Variants in SRP9 observed in about 807,000 individuals in gnomAD.
SRP9 encodes the protein signal recognition particle 9 kDa protein.
Under a neutral mutation model 11.7 loss-of-function variants are expected in SRP9, and 2 were observed. The ratio of observed to expected loss-of-function variants is 0.17; its 90% CI spans 0.07 to 0.54. The LOEUF (loss-of-function observed/expected upper bound fraction) is 0.54. SRP9 is among the 20% of genes least tolerant of loss of function. SRP9 has a pLI of 0.94. For missense variants in SRP9, 54 were observed against 108.1 expected (o/e 0.50, Z 2.22); for synonymous variants, 27 against 35.6 (o/e 0.76, Z 0.86).
At position 225,789,595 on chromosome 1, in the gene SRP9, CTG is replaced by C. The variant is rs1024711799; in HGVS notation, c.*237_*238del. The C allele has an allele frequency of 3.2e-6, 1 of 315,764 alleles. No homozygotes were observed. Among genetic ancestry groups the C allele is most frequent in the African/African-American group, 2.2e-5 (1 of 46,446 alleles). The allele number at this position is 315,764 out of a possible 1,614,324, so 19.6% of individuals were successfully genotyped here. A position where few individuals can be genotyped will look rare whatever the true frequency, so the allele number is the denominator to read the frequency against. Reference sequence around the variant, plus strand: ...ACAAGAAATGCATCTGTCTTAGAAACTGGAGATTATTTGATGTTAGGTAAAAC... The same window carrying C: ...ACAAGAAATGCATCTGTCTTAGAAACGAGATTATTTGATGTTAGGTAAAAC... On this transcript the variant is annotated 3_prime_UTR_variant, in exon 3 of 3. Transcript: ENST00000304786.
At chr1:225,786,933 C>G in intron 2 of SRP9, 1 of 748,006 alleles carries the variant, frequency 1.3e-6, no homozygotes, top group Non-Finnish European at 2.0e-6. Flanking sequence ...TCCTCGACCT[C>G]CTGGGCTCAA....
At chr1:225,778,101 C>A (rs3738037) in intron 1 of SRP9, 89 bp downstream of exon 1, 181,655 of 1,435,386 alleles carry the variant, frequency 0.13, 17,988 homozygotes, top group African/African-American at 0.52. Context: ...CCCAGCGCTC[C>A]CAGGAGGTGC....
At chr1:225,789,151 ACT>A (rs775337368) in intron 2 of SRP9, 87 bp from the exon 3 acceptor site, 48 of 1,552,346 alleles carry the variant, frequency 3.1e-5, no homozygotes, top group East Asian at 2.0e-4. Flanking sequence ...GGTAGGAAAA[ACT>A]CTCAAAATTT....
At chr1:225,784,975 T>C (rs909719642) in intron 2 of SRP9, among the ~76,000 whole-genome samples, 5 of 152,160 alleles carry the variant, frequency 3.3e-5, no homozygotes, top group African/African-American at 1.2e-4. Context: ...AGGATATCGC[T>C]ATGTTGCCCA....
intron 1 of SRP9, among the ~76,000 whole-genome samples, chr1:225,782,346 A>G (rs1463086863): frequency 6.6e-6 from 1 of 151,882 alleles, no homozygotes; most frequent in Non-Finnish European, 1.5e-5. Flanking sequence ...TGTATTTTTT[A>G]GTAGAGACGG....
intron 2 of SRP9, among the ~76,000 whole-genome samples, chr1:225,786,142 TTC>T (rs538734271): frequency 1.1e-3 from 166 of 152,260 alleles, no homozygotes; most frequent in Non-Finnish European, 1.9e-3. Context: ...CTTTCAAACA[TTC>T]TGTTTCCTCC....
In SRP9 at chr1:225,777,874, A is replaced by G; in HGVS notation, c.-67A>G. On this transcript the variant is annotated 5_prime_UTR_variant, in exon 1 of 3. Transcript: ENST00000304786. ...ACTCGCGTCGGTTGGCGACTCCCGG[A>G]CGTAGGTAGTTTGTTGGGCCGGGTT... 2 of 1,478,824 alleles carry G rather than the reference A, an allele frequency of 1.4e-6. No homozygotes were observed. Among genetic ancestry groups the G allele is most frequent in the Non-Finnish European group, 1.9e-6 (2 of 1,069,204 alleles). The allele number at this position is 1,478,824 out of a possible 1,614,324, so 91.6% of individuals were successfully genotyped here.
rs1373681664 is a variant in SRP9, at chr1:225,789,122, G to C, written c.142-118G>C. 5 of 1,551,460 alleles carry C rather than the reference G, an allele frequency of 3.2e-6. No homozygotes were observed. The African/African-American group carries it at 6.8e-5, about 21-fold the overall frequency. ...CAATTTCCCTAGTACGACCTCCAAG[G>C]AGAATAGAGCAAAACAGTGGTAGGA... On this transcript the variant is annotated intron_variant, in intron 2 of 2. Transcript: ENST00000304786.
rs79560737 is a variant in SRP9 at position 225,780,096 on chromosome 1, A to G, written c.72+2084A>G. Reference sequence around the variant, plus strand: ...AGTGGCACAAATCACAGTTCGCTGCACCATTGAACTGGGCTCGAGTGATCC... The same window carrying G: ...AGTGGCACAAATCACAGTTCGCTGCGCCATTGAACTGGGCTCGAGTGATCC... On this transcript the variant is annotated intron_variant, in intron 1 of 2. Coordinates refer to ENST00000304786, the MANE Select transcript of SRP9 (RefSeq NM_003133.6). Among the ~76,000 whole-genome samples the G allele has an allele frequency of 1.9e-3, 283 of 151,874 alleles. 4 individuals are homozygous for G. Among genetic ancestry groups the G allele is most frequent in the African/African-American group, 6.5e-3 (268 of 41,410 alleles).
In SRP9 at chr1:225,788,318, G is replaced by T. The variant is rs80234619; in HGVS notation, c.142-922G>T. ...GCTGAGGATCGCTTGAGCCCAGGAC[G>T]CAGGTTGCAGTGAGCTGAGATTGCA... On this transcript the variant is annotated intron_variant, in intron 2 of 2. Coordinates refer to ENST00000304786, the MANE Select transcript of SRP9 (RefSeq NM_003133.6). 2.1e-3 allele frequency among the ~76,000 whole-genome samples: 321 copies of T among 152,188 alleles called. 9 individuals carry two copies. The East Asian group carries it at 0.042, about 20-fold the overall frequency.
intron 2 of SRP9, among the ~76,000 whole-genome samples, chr1:225,784,169 G>A (rs1665850692): frequency 7.1e-6 from 1 of 141,316 alleles, no homozygotes; most frequent in Admixed American, 7.2e-5. Flanking sequence ...TTTCTGACTA[G>A]CATCTGTATC....
At chr1:225,786,833 GT>G in intron 2 of SRP9, 1 of 1,263,106 alleles carries the variant, frequency 7.9e-7, no homozygotes, top group African/African-American at 1.6e-5. Flanking sequence ...TTGTTGATTG[GT>G]TGGTTGATTG....
At chr1:225,786,845 C>CT (rs11441168) in intron 2 of SRP9, 142,608 of 1,097,976 alleles carry the variant, frequency 0.13, 915 homozygotes, top group Middle Eastern at 0.17. Context: ...TGGTTGATTG[C>CT]TTTTTTTTTT....
chr1:225,789,312 C>G lies in SRP9; in HGVS notation c.214C>G (p.Leu72Val). The G allele has an allele frequency of 6.2e-7, 1 of 1,607,028 alleles. No individual in the cohort carries two copies. The highest frequency in any genetic ancestry group is 8.5e-7 in the Non-Finnish European group (1 of 1,177,492). The change falls in exon 3 of 3, where the codon CTT becomes GTT. Residue 72 changes from leucine (L) to valine (V), a missense_variant. By Grantham distance (32) the Leu-to-Val change is conservative. Coordinates refer to ENST00000304786, the MANE Select transcript of SRP9 (RefSeq NM_003133.6). ...IEKFHSQLMRLMVAKEARNVT... is the reference protein window; with the variant it reads ...IEKFHSQLMRVMVAKEARNVT... ...GAAATTCCACAGTCAACTAATGCGA[C>G]TTATGGTAGCCAAGGAAGCCCGCAA...
chr1:225,784,480 ACCTCGTG>A (rs1665860460), intron 2 of SRP9, among the ~76,000 whole-genome samples: 1 of 149,086 alleles, frequency 6.7e-6, no homozygotes, highest in African/African-American at 2.5e-5. Context: ...GGATCTCCTG[ACCTCGTG>A]ATCCACCCGT....
At chr1:225,779,745 C>G (rs1189952732) in intron 1 of SRP9, among the ~76,000 whole-genome samples, 1 of 152,134 alleles carries the variant, frequency 6.6e-6, no homozygotes, top group Non-Finnish European at 1.5e-5. Context: ...GTTTATAACA[C>G]TGGTGACTTC....
chr1:225,790,346 GA>G lies in SRP9; in HGVS notation c.*990del, dbSNP rs1250939399. 6.6e-6 allele frequency: 1 copy of G among 152,218 alleles called. No homozygotes were observed. The highest frequency in any genetic ancestry group is 1.5e-5 in the Non-Finnish European group (1 of 68,032). 9.4% of individuals were successfully genotyped at this position (152,218 alleles called of 1,614,324 possible). On this transcript the variant is annotated 3_prime_UTR_variant, in exon 3 of 3. Transcript: ENST00000304786. ...AAGAATGAAATGAAGGCACTACATT[GA>G]AATATGTTTTGTATAAATTTGTCAT...
intron 1 of SRP9, among the ~76,000 whole-genome samples, chr1:225,779,334 C>T (rs1665750848): frequency 6.6e-6 from 1 of 151,826 alleles, no homozygotes; most frequent in Admixed American, 6.6e-5. Context: ...TTAATAGAGG[C>T]GGGGTTTCAC....
At chr1:225,789,112 G>A (rs1231826690) in intron 2 of SRP9, 128 bp from the exon 3 acceptor site, 32 of 1,551,206 alleles carry the variant, frequency 2.1e-5, no homozygotes, top group Non-Finnish European at 2.5e-5. Flanking sequence ...TCCCTAGTAC[G>A]ACCTCCAAGG....
Sources: gnomAD v4.1 joint callset for allele counts (sites outside exome capture counted in the v4.1 genomes callset) on GRCh38, gnomAD v4.1.1 for gene constraint, MANE v1.5 for transcripts, NCBI Gene and HGNC (gene_info 2026-07-23, HGNC 2026-07-21) for gene names.